Variants in EPO observed in about 807,000 individuals in gnomAD.
The protein encoded by EPO is erythropoietin, also known as epoetin.
A neutral mutation model predicts 24.4 loss-of-function variants in EPO; 12 were observed. The observed-to-expected ratio is 0.49, with a 90% CI of 0.32 to 0.80. The LOEUF (loss-of-function observed/expected upper bound fraction) is 0.80, where lower values mean the gene tolerates loss of function less well. EPO is among the 30% of genes least tolerant of loss of function. EPO has a pLI of 0.04. For missense variants in EPO, 210 were observed against 238.0 expected (o/e 0.88, Z 0.77); for synonymous variants, 107 against 104.0 (o/e 1.03, Z -0.18).
Position 100,720,709 on chromosome 7 carries a change from A to G in EPO, c.-272A>G, listed in dbSNP as rs1284583171. 7.1e-6 allele frequency: 2 copies of G among 281,972 alleles called. No individual in the cohort carries two copies. The highest frequency in any genetic ancestry group is 2.5e-5 in the African/African-American group (1 of 40,736). 17.5% of individuals were successfully genotyped at this position (281,972 alleles called of 1,614,324 possible). A position where few individuals can be genotyped will look rare whatever the true frequency, so the allele number is the denominator to read the frequency against. ...CCCACCCCCACCCGCGCACGCACAC[A>G]TGCAGATAACAGCCCCGACCCCCGG... On this transcript the variant is annotated 5_prime_UTR_variant, in exon 1 of 5. It removes an upstream start codon present in the reference 5' UTR. Coordinates refer to ENST00000252723, the MANE Select transcript of EPO (RefSeq NM_000799.4).
chr7:100,721,780 T>G lies in EPO; in HGVS notation c.159+77T>G, dbSNP rs934210341. 2 of 1,546,742 alleles carry G rather than the reference T, an allele frequency of 1.3e-6. No individual in the cohort carries two copies. Among genetic ancestry groups the G allele is most frequent in the Non-Finnish European group, 1.7e-6 (2 of 1,151,664 alleles). On this transcript the variant is annotated intron_variant, in intron 2 of 4. Transcript: ENST00000252723. This position sits in a 1 kb window ranked among gnomAD's most constrained non-coding sequence, Gnocchi z 4.0. ...GGAACTCCTCCCAGATCCAGGAACCTGGCACTTGGTTTGGGGTGGAGTTGG... is the reference window on the plus strand; with the variant it reads ...GGAACTCCTCCCAGATCCAGGAACCGGGCACTTGGTTTGGGGTGGAGTTGG...
Position 100,723,048 on chromosome 7 carries a change from G to A in EPO, c.497G>A (p.Arg166His), listed in dbSNP as rs781324278. 17 of 1,613,886 alleles carry A rather than the reference G, an allele frequency of 1.1e-5. No individual in the cohort carries two copies. Among genetic ancestry groups the A allele is most frequent in the East Asian group, 4.5e-5 (2 of 44,872 alleles). Residue 166 changes from arginine to histidine, a missense_variant, in exon 5 of 5, where the codon CGC (arginine) becomes CAC (histidine). By Grantham distance (29) the Arg-to-His change is conservative (BLOSUM62 0). Coordinates refer to ENST00000252723, the MANE Select transcript of EPO (RefSeq NM_000799.4). ...CGAACAATCACTGCTGACACTTTCC[G>A]CAAACTCTTCCGAGTCTACTCCAAT... Reference protein sequence around the residue: ...PLRTITADTFRKLFRVYSNFL... With the variant: ...PLRTITADTFHKLFRVYSNFL...
At chr7:100,722,956 C>A (rs545543326) in intron 4 of EPO, 22 bp from the exon 5 acceptor site, 8 of 1,613,278 alleles carry the variant, frequency 5.0e-6, no homozygotes, top group East Asian at 2.2e-5. Flanking sequence ...ACTGCAGCGA[C>A]CTCCTGTTTT....
rs933176157 is a variant in EPO at position 100,723,217 on chromosome 7, C to T, written c.*84C>T. On this transcript the variant is annotated 3_prime_UTR_variant, in exon 5 of 5. Coordinates refer to ENST00000252723, the MANE Select transcript of EPO (RefSeq NM_000799.4). The stretch of plus-strand genomic sequence containing the variant: ...ACCCTCCCCCGCCACTCCTGAACCC[C>T]GTCGAGGGGCTCTCAGCTCAGCGCC... The T allele has an allele frequency of 2.7e-5, 40 of 1,508,796 alleles. No individual in the cohort carries two copies. Among genetic ancestry groups the T allele is most frequent in the South Asian group, 3.7e-5 (3 of 80,082 alleles). 93.5% of individuals were successfully genotyped at this position (1,508,796 alleles called of 1,614,324 possible). A position where few individuals can be genotyped will look rare whatever the true frequency, so the allele number is the denominator to read the frequency against.
chr7:100,723,100 C>T lies in EPO; in HGVS notation c.549C>T (p.Tyr183=), dbSNP rs1195038699. Residue 183 remains tyrosine, a synonymous_variant, in exon 5 of 5, where the codon TAC becomes TAT. Transcript: ENST00000252723. ...SNFLRGKLKL[Y]TGEACRTGDR is the part of the protein sequence containing the mutation. ...TCCTCCGGGGAAAGCTGAAGCTGTA[C>T]ACAGGGGAGGCCTGCAGGACAGGGG... 1 of 1,614,134 alleles carries T rather than the reference C, an allele frequency of 6.2e-7. No individual in the cohort carries two copies. The highest frequency in any genetic ancestry group is 2.2e-5 in the East Asian group (1 of 44,876).
chr7:100,720,720 A>G lies in EPO; in HGVS notation c.-261A>G, dbSNP rs1384257384. The G allele has an allele frequency of 8.0e-6, 3 of 376,680 alleles. No individual in the cohort carries two copies. The highest frequency in any genetic ancestry group is 2.2e-5 in the African/African-American group (1 of 46,418). The allele number at this position is 376,680 out of a possible 1,614,324, so 23.3% of individuals were successfully genotyped here. ...CCGCGCACGCACACATGCAGATAAC[A>G]GCCCCGACCCCCGGCCAGAGCCGCA... On this transcript the variant is annotated 5_prime_UTR_variant, in exon 1 of 5. Transcript: ENST00000252723.
At position 100,722,704 on chromosome 7, in the gene EPO, TG is replaced by T; in HGVS notation, c.288del (p.Leu97CysfsTer84). 1 of 1,610,916 alleles carries T rather than the reference TG, an allele frequency of 6.2e-7. No homozygotes were observed. Among genetic ancestry groups the T allele is most frequent in the Non-Finnish European group, 8.5e-7 (1 of 1,179,524 alleles). Reference sequence around the variant, plus strand: ...GTAGAAGTCTGGCAGGGCCTGGCCCTGCTGTCGGAAGCTGTCCTGCGGGGCC... The same window carrying T: ...GTAGAAGTCTGGCAGGGCCTGGCCCTCTGTCGGAAGCTGTCCTGCGGGGCC... ...QAVEVWQGLA[L>X]LSEAVLRGQA... On this transcript the variant is annotated frameshift_variant, in exon 4 of 5. Transcript: ENST00000252723. LOFTEE classifies it high-confidence loss of function.
Sources: gnomAD v4.1 joint callset for allele counts on GRCh38, gnomAD v4.1.1 for gene constraint, Gnocchi (gnomAD v3.1) non-coding constraint, MANE v1.5 for transcripts, NCBI Gene and HGNC (gene_info 2026-07-23, HGNC 2026-07-21) for gene names.